Variants in TRAPPC9 observed in about 807,000 individuals in gnomAD.
The protein encoded by TRAPPC9 is trafficking protein particle complex subunit 9.
A neutral mutation model predicts 124.0 loss-of-function variants in TRAPPC9; 83 were observed. The observed-to-expected ratio is 0.67, with a 90% CI of 0.56 to 0.80. The LOEUF is 0.80. Ranked by LOEUF, TRAPPC9 falls within the 30% of genes least tolerant of loss-of-function variation. The pLI is 0.00. For missense variants in TRAPPC9, 1,302 were observed against 1,508.3 expected (o/e 0.86, Z 2.27); for synonymous variants, 638 against 617.5 (o/e 1.03, Z -0.49).
chr8:140,351,866 A>G (rs529930684), intron 9 of TRAPPC9, among the ~76,000 whole-genome samples: 85 of 152,154 alleles, frequency 5.6e-4, no homozygotes, highest in Non-Finnish European at 8.2e-4. Context: ...AAACTTTTGT[A>G]ACAGCTTTGT....
chr8:140,008,688 C>A (rs917123064), intron 18 of TRAPPC9: 1 of 152,246 alleles, frequency 6.6e-6, no homozygotes, highest in Non-Finnish European at 1.5e-5. Context: ...TGACCACCTG[C>A]CACCTCCTGG....
chr8:139,830,440 C>A (rs952554089), intron 21 of TRAPPC9, among the ~76,000 whole-genome samples: 20 of 152,068 alleles, frequency 1.3e-4, no homozygotes, highest in African/African-American at 4.8e-4. Context: ...CGCAAATACA[C>A]ATGCACACAA....
At chr8:140,057,591 G>A (rs1030684801) in intron 17 of TRAPPC9, among the ~76,000 whole-genome samples, 3 of 152,160 alleles carry the variant, frequency 2.0e-5, no homozygotes, top group Non-Finnish European at 4.4e-5. Context: ...AGTCACAGAA[G>A]GACAAACACT....
At chr8:140,458,253 G>A (rs2071774361), upstream of TRAPPC9, 4 of 1,551,518 alleles carry the variant, frequency 2.6e-6, no homozygotes, top group Non-Finnish European at 2.6e-6. Flanking sequence ...CAGCTGGAAG[G>A]AGGCCCAGTT....
chr8:140,075,757 G>A (rs542676427), intron 17 of TRAPPC9, among the ~76,000 whole-genome samples: 11 of 152,308 alleles, frequency 7.2e-5, no homozygotes, highest in African/African-American at 1.9e-4. Context: ...AGAGGCATCC[G>A]ACACATTGGA....
chr8:139,875,845 G>A (rs1209043850), intron 21 of TRAPPC9, among the ~76,000 whole-genome samples: 1 of 152,266 alleles, frequency 6.6e-6, no homozygotes, highest in Non-Finnish European at 1.5e-5. Context: ...ACACTGGCCT[G>A]GAGCAGATGT....
At chr8:139,955,789 T>C (rs1397752995) in intron 19 of TRAPPC9, among the ~76,000 whole-genome samples, 1 of 152,194 alleles carries the variant, frequency 6.6e-6, no homozygotes, top group Admixed American at 6.5e-5. Flanking sequence ...GCTAACATTC[T>C]GTGTCCACTA....
rs59393001 is a variant in TRAPPC9, at chr8:140,446,293, C to CAAAAAAAAAAAAAAAAAAAA, written c.584+4496_584+4497insTTTTTTTTTTTTTTTTTTTT. Among the ~76,000 whole-genome samples, 2 of 110,370 alleles carry CAAAAAAAAAAAAAAAAAAAA rather than the reference C, an allele frequency of 1.8e-5. 1 individual carries two copies. Among genetic ancestry groups the CAAAAAAAAAAAAAAAAAAAA allele is most frequent in the Non-Finnish European group, 3.6e-5 (2 of 54,890 alleles). The allele number at this position is 110,370 out of a possible 152,430, so 72.4% of individuals were successfully genotyped here. A position where few individuals can be genotyped will look rare whatever the true frequency, so the allele number is the denominator to read the frequency against. ...TGGGCGAAAGAGTAAGACTCTGTCT[C>CAAAAAAAAAAAAAAAAAAAA]AAAAAAAAAAAAAAAAAAAGCAGAC... On this transcript the variant is annotated intron_variant, in intron 2 of 22. Coordinates refer to ENST00000438773, the MANE Select transcript of TRAPPC9 (RefSeq NM_001160372.4).
intron 6 of TRAPPC9, among the ~76,000 whole-genome samples, chr8:140,400,981 T>C (rs1240365890): frequency 1.3e-5 from 2 of 152,222 alleles, no homozygotes; most frequent in Non-Finnish European, 2.9e-5. Context: ...TGATGTTGCA[T>C]AATTTAAAAT....
At chr8:139,785,343 T>A (rs1484074185) in intron 21 of TRAPPC9, among the ~76,000 whole-genome samples, 1 of 152,118 alleles carries the variant, frequency 6.6e-6, no homozygotes, top group Non-Finnish European at 1.5e-5. Flanking sequence ...TGGGAGAAAC[T>A]CTTTGTGATT....
At chr8:140,058,563 G>A (rs10099323) in intron 17 of TRAPPC9, among the ~76,000 whole-genome samples, 2 of 152,250 alleles carry the variant, frequency 1.3e-5, no homozygotes, top group African/African-American at 4.8e-5. Flanking sequence ...CAAAGTTCTC[G>A]CAATACAGGA....
chr8:139,971,901 GACGTCC>G (rs1563652527), intron 19 of TRAPPC9, among the ~76,000 whole-genome samples: 3 of 151,506 alleles, frequency 2.0e-5, no homozygotes, highest in African/African-American at 7.3e-5. Flanking sequence ...GGCTCACTGC[GACGTCC>G]ACCTCCTGGG....
intron 21 of TRAPPC9, among the ~76,000 whole-genome samples, chr8:139,879,603 G>T (rs1288832376): frequency 1.3e-5 from 2 of 152,094 alleles, no homozygotes; most frequent in Non-Finnish European, 2.9e-5. Context: ...AATGCCCTCT[G>T]CCTGCAGGAT....
At chr8:140,231,638 G>A (rs1314669044) in intron 16 of TRAPPC9, among the ~76,000 whole-genome samples, 3 of 148,414 alleles carry the variant, frequency 2.0e-5, no homozygotes, top group African/African-American at 7.5e-5. Context: ...GATTACAGGT[G>A]TGGCACCACC....
chr8:140,017,173 A>T (rs1563692114), intron 18 of TRAPPC9, among the ~76,000 whole-genome samples: 1 of 152,194 alleles, frequency 6.6e-6, no homozygotes, highest in East Asian at 1.9e-4. Context: ...ATATGTTACA[A>T]TTTTTTTATC....
At chr8:140,028,390 G>T (rs903200527) in intron 17 of TRAPPC9, among the ~76,000 whole-genome samples, 118 of 152,300 alleles carry the variant, frequency 7.7e-4, no homozygotes, top group African/African-American at 2.7e-3. Flanking sequence ...AGGCCTGTCA[G>T]TAGGTACCTT....
rs560847721 is a variant in TRAPPC9, at chr8:140,185,402, A to C, written c.2556+36057T>G. ...GGTGCTACGCCATCACCAAAATGCC[A>C]GTGCCTTAAGGGCTGTGGAAGTGCG... On this transcript the variant is annotated intron_variant, in intron 17 of 22. Coordinates refer to ENST00000438773, the MANE Select transcript of TRAPPC9 (RefSeq NM_001160372.4). Among the ~76,000 whole-genome samples, 10 of 152,332 alleles carry C rather than the reference A, an allele frequency of 6.6e-5. No individual in the cohort carries two copies. The East Asian group carries it at 1.7e-3, about 26-fold the overall frequency.
chr8:140,146,373 C>A (rs897780597), intron 17 of TRAPPC9, among the ~76,000 whole-genome samples: 1 of 152,256 alleles, frequency 6.6e-6, no homozygotes, highest in Non-Finnish European at 1.5e-5. Context: ...CACCTATCTG[C>A]CCACTCAGAA....
intron 4 of TRAPPC9, among the ~76,000 whole-genome samples, chr8:140,427,360 C>A (rs1454169737): frequency 6.8e-6 from 1 of 146,978 alleles, no homozygotes; most frequent in Non-Finnish European, 1.5e-5. Context: ...ATACATCTCT[C>A]TATATATATA....
Sources: gnomAD v4.1 joint callset for allele counts (sites outside exome capture counted in the v4.1 genomes callset) on GRCh38, gnomAD v4.1.1 for gene constraint, MANE v1.5 for transcripts, NCBI Gene and HGNC (gene_info 2026-07-23, HGNC 2026-07-21) for gene names.